IMMP2L: variants seen among roughly 807,000 people sequenced by gnomAD.
IMMP2L encodes mitochondrial inner membrane protease subunit 2.
A neutral mutation model predicts 19.3 loss-of-function variants in IMMP2L; 18 were observed. That is an observed-to-expected ratio of 0.93 (90% CI 0.64 to 1.38). The LOEUF (loss-of-function observed/expected upper bound fraction) is 1.38, where lower values mean the gene tolerates loss of function less well. IMMP2L is among the 40% of genes most tolerant of loss of function. IMMP2L has a pLI of 0.00. For synonymous variants in IMMP2L, 76 were observed against 73.0 expected (o/e 1.04, Z -0.21); for missense variants, 233 against 218.2 (o/e 1.07, Z -0.43).
chr7:111,119,938 T>C (rs930795108), intron 3 of IMMP2L, among the ~76,000 whole-genome samples: 2 of 152,286 alleles, frequency 1.3e-5, no homozygotes, highest in Non-Finnish European at 1.5e-5. Flanking sequence ...TATGAAAGAC[T>C]TCCCAGAGGG....
At chr7:111,189,405 C>A (rs1357834597) in intron 3 of IMMP2L, among the ~76,000 whole-genome samples, 1 of 150,328 alleles carries the variant, frequency 6.7e-6, no homozygotes, top group Non-Finnish European at 1.5e-5. Flanking sequence ...AAGGGCCTGC[C>A]AGAAAAGAAA....
chr7:111,378,134 A>G (rs576645014), intron 3 of IMMP2L, among the ~76,000 whole-genome samples: 1 of 152,114 alleles, frequency 6.6e-6, no homozygotes, highest in African/African-American at 2.4e-5. Flanking sequence ...TTTGTTTACA[A>G]TGTAGTTTGG....
chr7:110,931,573 C>CGG (rs1815490779), intron 4 of IMMP2L, among the ~76,000 whole-genome samples: 2 of 152,136 alleles, frequency 1.3e-5, no homozygotes, highest in Non-Finnish European at 2.9e-5. Context: ...TATCCAGACT[C>CGG]CATCTACTGT....
intron 3 of IMMP2L, among the ~76,000 whole-genome samples, chr7:111,228,647 G>A (rs1172969093): frequency 6.6e-6 from 1 of 151,948 alleles, no homozygotes; most frequent in East Asian, 1.9e-4. Context: ...CATAAAGTTT[G>A]GTGAGTTTTG....
At chr7:110,945,281 T>A (rs568520778) in intron 4 of IMMP2L, among the ~76,000 whole-genome samples, 1 of 151,924 alleles carries the variant, frequency 6.6e-6, no homozygotes, top group Non-Finnish European at 1.5e-5. Context: ...TTAACATTTT[T>A]AAAAAAGCAT....
chr7:110,818,868 C>A (rs1245995327), intron 5 of IMMP2L, among the ~76,000 whole-genome samples: 1 of 148,868 alleles, frequency 6.7e-6, no homozygotes, highest in African/African-American at 2.5e-5. Flanking sequence ...GGACAAAAAA[C>A]CAAACACCGC....
chr7:110,696,244 G>A (rs1793863422), intron 5 of IMMP2L, among the ~76,000 whole-genome samples: 1 of 152,160 alleles, frequency 6.6e-6, no homozygotes, highest in African/African-American at 2.4e-5. Flanking sequence ...GTATTTATCA[G>A]CTAATAGAGA....
chr7:110,788,869 T>C (rs1436094568), intron 5 of IMMP2L, among the ~76,000 whole-genome samples: 1 of 151,748 alleles, frequency 6.6e-6, no homozygotes, highest in Non-Finnish European at 1.5e-5. Flanking sequence ...TGATTCCGTG[T>C]GAACCTTTGT....
At chr7:111,451,315 A>G (rs1017856796) in intron 3 of IMMP2L, among the ~76,000 whole-genome samples, 10 of 151,276 alleles carry the variant, frequency 6.6e-5, no homozygotes, top group African/African-American at 2.4e-4. Context: ...ACCAACCCAA[A>G]TGTCCAAGAA....
intron 4 of IMMP2L, among the ~76,000 whole-genome samples, chr7:110,915,317 T>C (rs1813485747): frequency 6.6e-6 from 1 of 152,140 alleles, no homozygotes; most frequent in Non-Finnish European, 1.5e-5. Flanking sequence ...TGTGAGAACA[T>C]GAATGAACCT....
intron 5 of IMMP2L, among the ~76,000 whole-genome samples, chr7:110,770,254 C>T (rs907514253): frequency 6.6e-5 from 10 of 152,104 alleles, no homozygotes; most frequent in African/African-American, 1.9e-4. Flanking sequence ...TCCCTTACGA[C>T]GAATGTGAAG....
chr7:110,765,955 A>G (rs1798630001), intron 5 of IMMP2L, among the ~76,000 whole-genome samples: 1 of 152,162 alleles, frequency 6.6e-6, no homozygotes, highest in African/African-American at 2.4e-5. Context: ...TTTTAAAAAT[A>G]TACTTGATTT....
chr7:111,103,672 G>A (rs1044091826), intron 3 of IMMP2L, among the ~76,000 whole-genome samples: 1 of 151,708 alleles, frequency 6.6e-6, no homozygotes, highest in African/African-American at 2.4e-5. Context: ...TTATCCGTAT[G>A]ATGACTTCTT....
intron 3 of IMMP2L, among the ~76,000 whole-genome samples, chr7:111,301,921 TAAAAAAAAAA>T (rs59156229): frequency 0.014 from 1,164 of 83,166 alleles, 40 homozygotes; most frequent in African/African-American, 0.051. Context: ...TTTCATGCTT[TAAAAAAAAAA>T]AAAAAAAAAA....
intron 3 of IMMP2L, among the ~76,000 whole-genome samples, chr7:111,074,421 CT>C (rs1401474250): frequency 6.6e-6 from 1 of 152,150 alleles, no homozygotes; most frequent in Non-Finnish European, 1.5e-5. Flanking sequence ...CTGAAAAAGC[CT>C]TCTTTCTTAA....
At chr7:111,286,983 C>A (rs1273792882) in intron 3 of IMMP2L, among the ~76,000 whole-genome samples, 1 of 152,190 alleles carries the variant, frequency 6.6e-6, no homozygotes, top group Non-Finnish European at 1.5e-5. Flanking sequence ...TCAAGATAAA[C>A]TGGCTGCAAA....
At chr7:111,434,894 C>A (rs918350196) in intron 3 of IMMP2L, among the ~76,000 whole-genome samples, 12 of 151,858 alleles carry the variant, frequency 7.9e-5, no homozygotes, top group Non-Finnish European at 1.6e-4. Context: ...AAGCAGCCAA[C>A]AAGCAGCCAG....
chr7:111,068,618 C>A lies in IMMP2L; in HGVS notation c.240-105053G>T, dbSNP rs2129575125. Reference sequence around the variant, plus strand: ...AGAATATCCAGTAATAAATTACAATCATTCCAAGTACTTATTGTTTTTATT... The same window carrying A: ...AGAATATCCAGTAATAAATTACAATAATTCCAAGTACTTATTGTTTTTATT... On this transcript the variant is annotated intron_variant, in intron 3 of 5. Coordinates refer to ENST00000405709, the MANE Select transcript of IMMP2L (RefSeq NM_032549.4). Among the ~76,000 whole-genome samples the A allele has an allele frequency of 1.3e-5, 2 of 152,286 alleles. 1 individual carries two copies. Among genetic ancestry groups the A allele is most frequent in the South Asian group, 4.1e-4 (2 of 4,830 alleles).
At chr7:110,975,900 T>C (rs898309531) in intron 3 of IMMP2L, among the ~76,000 whole-genome samples, 1 of 152,132 alleles carries the variant, frequency 6.6e-6, no homozygotes, top group Non-Finnish European at 1.5e-5. Context: ...AACTCAGTAA[T>C]ATAATTTCAT....
Sources: gnomAD v4.1 joint callset for allele counts (sites outside exome capture counted in the v4.1 genomes callset) on GRCh38, gnomAD v4.1.1 for gene constraint, MANE v1.5 for transcripts, NCBI Gene and HGNC (gene_info 2026-07-23, HGNC 2026-07-21) for gene names.